The following ZNF514 variants were observed in gnomAD, a reference collection of about 807,000 sequenced individuals.
ZNF514 encodes the protein zinc finger protein 514.
ZNF514 carries 12 observed loss-of-function variants against 9.7 expected under a neutral mutation model. The ratio of observed to expected loss-of-function variants is 1.24; its 90% CI spans 0.79 to 2.01. The LOEUF (loss-of-function observed/expected upper bound fraction) is 2.01, where lower values mean the gene tolerates loss of function less well. Ranked by LOEUF, ZNF514 falls within the 30% of genes most tolerant of loss-of-function variation. The probability of loss-of-function intolerance (pLI) is 0.00; values close to 1 mark genes in which losing one functional copy is unlikely to be tolerated. For missense variants in ZNF514, 467 were observed against 465.5 expected (o/e 1.00, Z -0.03); for synonymous variants, 158 against 163.7 (o/e 0.97, Z 0.27).
At chr2:95,157,265 T>G in intron 2 of ZNF514, 86 bp downstream of exon 2, 1 of 870,652 alleles carries the variant, frequency 1.1e-6, no homozygotes, top group Non-Finnish European at 1.6e-6. Context: ...GTTCCCTTAG[T>G]GAAAAAAGAG....
the ZNF514 span, among the ~76,000 whole-genome samples, chr2:95,128,992 G>A: frequency 6.6e-6 from 1 of 152,188 alleles, no homozygotes; most frequent in East Asian, 1.9e-4. Flanking sequence ...CGCTTCTTCT[G>A]TAGTATACCA....
Position 95,159,705 on chromosome 2 carries a change from CCCCCGCGTCCGCCCCGCG to C in ZNF514, c.-579_-562del, listed in dbSNP as rs1673806408. On this transcript the variant is annotated 5_prime_UTR_variant, in exon 1 of 5. Coordinates refer to ENST00000295208, the MANE Select transcript of ZNF514 (RefSeq NM_032788.3). The stretch of plus-strand genomic sequence containing the variant: ...AGCCCCCGCGTCCGCCCCGCGCCAG[CCCCCGCGTCCGCCCCGCG>C]CCAGCCCCCGCGTCCGCCCCGCGCC... The C allele has an allele frequency of 7.0e-6, 1 of 142,180 alleles. No homozygotes were observed. The highest frequency in any genetic ancestry group is 2.6e-5 in the African/African-American group (1 of 38,788). 8.8% of individuals were successfully genotyped at this position (142,180 alleles called of 1,614,324 possible). A position where few individuals can be genotyped will look rare whatever the true frequency, so the allele number is the denominator to read the frequency against.
chr2:95,128,631 G>A, the ZNF514 span, among the ~76,000 whole-genome samples: 1 of 150,764 alleles, frequency 6.6e-6, no homozygotes, highest in Admixed American at 6.6e-5. Context: ...GGAGGAGGAG[G>A]GAGAAGAAGA....
At chr2:95,150,317 C>A in intron 4 of ZNF514, 50 bp from the exon 5 acceptor site, 2 of 1,490,024 alleles carry the variant, frequency 1.3e-6, no homozygotes, top group Non-Finnish European at 1.8e-6. Context: ...TGTAGAATGT[C>A]CTATGTAGCA....
the ZNF514 span, among the ~76,000 whole-genome samples, chr2:95,125,327 G>C: frequency 6.9e-6 from 1 of 145,266 alleles, no homozygotes; most frequent in Non-Finnish European, 1.5e-5. Context: ...TGCAACCTCC[G>C]CCTCCTGGGT....
Position 95,157,369 on chromosome 2 carries a change from GA to G in ZNF514, c.-26del, listed in dbSNP as rs1402993574. The G allele has an allele frequency of 7.8e-7, 1 of 1,289,712 alleles. No individual in the cohort carries two copies. The highest frequency in any genetic ancestry group is 1.2e-5 in the South Asian group (1 of 81,026). 79.9% of individuals were successfully genotyped at this position (1,289,712 alleles called of 1,614,324 possible). A position where few individuals can be genotyped will look rare whatever the true frequency, so the allele number is the denominator to read the frequency against. ...AACTCACCCGAGGCCTGGCTTTCAG[GA>G]ATGAATTGGTTGTTCCCTCTTCTCC... is the stretch of plus-strand genomic sequence containing the variant. On this transcript the variant is annotated 5_prime_UTR_variant, in exon 2 of 5. Coordinates refer to ENST00000295208, the MANE Select transcript of ZNF514 (RefSeq NM_032788.3).
chr2:95,150,026 C>G lies in ZNF514; in HGVS notation c.459G>C (p.Trp153Cys). 6.2e-7 allele frequency: 1 copy of G among 1,614,154 alleles called. No homozygotes were observed. The change falls in exon 5 of 5, where the codon TGG becomes TGC. Residue 153 changes from tryptophan to cysteine, a missense_variant. Transcript: ENST00000295208. ...SATTLSRDYKWNGFGRSLGLR... is the reference protein window; with the variant it reads ...SATTLSRDYKCNGFGRSLGLR... ...AACCTAAGCTTCTCCCAAATCCATT[C>G]CATTTATAATCTCTGCTAAGGGTGG...
chr2:95,135,988 T>C, the ZNF514 span, among the ~76,000 whole-genome samples: 1 of 151,922 alleles, frequency 6.6e-6, no homozygotes, highest in Non-Finnish European at 1.5e-5. Flanking sequence ...TACTTGAACC[T>C]GGAAGGCAAA....
Position 95,149,370 on chromosome 2 carries a change from T to C in ZNF514, c.1115A>G (p.Tyr372Cys), listed in dbSNP as rs187499833. 3.4e-5 allele frequency: 55 copies of C among 1,614,024 alleles called. No individual in the cohort carries two copies. Among genetic ancestry groups the C allele is most frequent in the Admixed American group, 2.2e-4 (13 of 60,002 alleles). The change falls in exon 5 of 5, where the codon TAC becomes TGC. Residue 372 changes from tyrosine (Y) to cysteine (C), a missense_variant. Transcript: ENST00000295208. ...GGCCCTTCCACACTCATTACATTTG[T>C]AGGGTTTCTCTCCAGTGTGAAATCT... ...HYRFHTGEKPYKCNECGRAFA... is the reference protein window; with the variant it reads ...HYRFHTGEKPCKCNECGRAFA...
the ZNF514 span, among the ~76,000 whole-genome samples, chr2:95,134,500 C>T: frequency 6.6e-6 from 1 of 152,206 alleles, no homozygotes; most frequent in Admixed American, 6.5e-5. Context: ...ACAATTCACT[C>T]ATTTAATGTG....
the ZNF514 span, among the ~76,000 whole-genome samples, chr2:95,135,270 A>G: frequency 6.6e-6 from 1 of 151,992 alleles, no homozygotes; most frequent in African/African-American, 2.4e-5. Flanking sequence ...ATTTCTTTCA[A>G]CAGTGTCATG....
At position 95,159,741 on chromosome 2, in the gene ZNF514, C is replaced by T. The variant is rs1673811318; in HGVS notation, c.-597G>A. Reference sequence around the variant, plus strand: ...GCCCCGCGCCAGCCCCCGCGTCCGCCCCGCGCCAGCCCCGCCTCCCGAGGC... The same window carrying T: ...GCCCCGCGCCAGCCCCCGCGTCCGCTCCGCGCCAGCCCCGCCTCCCGAGGC... On this transcript the variant is annotated 5_prime_UTR_variant, in exon 1 of 5. Coordinates refer to ENST00000295208, the MANE Select transcript of ZNF514 (RefSeq NM_032788.3). 1 of 127,528 alleles carries T rather than the reference C, an allele frequency of 7.8e-6. No homozygotes were observed. The highest frequency in any genetic ancestry group is 2.8e-5 in the African/African-American group (1 of 35,914). 7.9% of individuals were successfully genotyped at this position (127,528 alleles called of 1,614,324 possible). A position where few individuals can be genotyped will look rare whatever the true frequency, so the allele number is the denominator to read the frequency against.
rs1055588891 is a variant in ZNF514, at chr2:95,153,213, T to G, written c.41A>C (p.Glu14Ala). The G allele has an allele frequency of 6.2e-7, 1 of 1,613,742 alleles. No individual in the cohort carries two copies. The highest frequency in any genetic ancestry group is 8.5e-7 in the Non-Finnish European group (1 of 1,179,896). ...EDVAVEFSQW[E>A]WGQLNPAQKD... Reference sequence around the variant, plus strand: ...CTGAGCAGGGTTCAGCTGCCCCCACTCCCACTGGCTGAATTCCACAGCCAC... The same window carrying G: ...CTGAGCAGGGTTCAGCTGCCCCCACGCCCACTGGCTGAATTCCACAGCCAC... Residue 14 changes from glutamate to alanine, a missense_variant, in exon 3 of 5, where the codon GAG (glutamate) becomes GCG (alanine). Glu to Ala is a moderately radical substitution (Grantham distance 107). Coordinates refer to ENST00000295208, the MANE Select transcript of ZNF514 (RefSeq NM_032788.3).
Position 95,149,042 on chromosome 2 carries a change from C to T in ZNF514, c.*240G>A, listed in dbSNP as rs1266382296. On this transcript the variant is annotated 3_prime_UTR_variant, in exon 5 of 5. Transcript: ENST00000295208. Reference sequence around the variant, plus strand: ...ATGCATCCTCTGATCAAAGCGTTCCCACATTCATTACATTCACGTGGTTTC... The same window carrying T: ...ATGCATCCTCTGATCAAAGCGTTCCTACATTCATTACATTCACGTGGTTTC... 6.0e-6 allele frequency: 3 copies of T among 496,554 alleles called. No individual in the cohort carries two copies. Among genetic ancestry groups the T allele is most frequent in the South Asian group, 4.0e-5 (1 of 25,248 alleles). The allele number at this position is 496,554 out of a possible 1,614,324, so 30.8% of individuals were successfully genotyped here. A position where few individuals can be genotyped will look rare whatever the true frequency, so the allele number is the denominator to read the frequency against.
At chr2:95,158,444 G>A (rs1673745968) in intron 1 of ZNF514, among the ~76,000 whole-genome samples, 1 of 152,196 alleles carries the variant, frequency 6.6e-6, no homozygotes, top group Non-Finnish European at 1.5e-5. Flanking sequence ...AAAACCTCCT[G>A]GGTCACCTGG....
chr2:95,157,838 C>T (rs571738507), intron 1 of ZNF514, among the ~76,000 whole-genome samples: 1 of 152,286 alleles, frequency 6.6e-6, no homozygotes, highest in East Asian at 1.9e-4. Context: ...CAAGGCAAGG[C>T]CATGCAGGAT....
chr2:95,131,474 GCAGCCCCTATGTTGCCC>G, the ZNF514 span, among the ~76,000 whole-genome samples: 6 of 152,170 alleles, frequency 3.9e-5, no homozygotes, highest in African/African-American at 1.4e-4. Context: ...GTTCCCAAAT[GCAGCCCCTATGTTGCCC>G]AGTGGGCATG....
rs1011242311 is a variant in ZNF514 at position 95,145,287 on chromosome 2, C to T, written c.*3995G>A. On this transcript the variant is annotated 3_prime_UTR_variant, in exon 5 of 5. Coordinates refer to ENST00000295208, the MANE Select transcript of ZNF514 (RefSeq NM_032788.3). ...GTCAGACATACCTCATTATACCTTC[C>T]TCTCTTTGGAATTCAGGCACAGTGG... Among the ~76,000 whole-genome samples, 3 of 152,142 alleles carry T rather than the reference C, an allele frequency of 2.0e-5. No homozygotes were observed. Among genetic ancestry groups the T allele is most frequent in the Admixed American group, 6.5e-5 (1 of 15,274 alleles).
chr2:95,149,678 G>C lies in ZNF514; in HGVS notation c.807C>G (p.Phe269Leu). 3.1e-6 allele frequency: 5 copies of C among 1,614,210 alleles called. No homozygotes were observed. The highest frequency in any genetic ancestry group is 4.2e-6 in the Non-Finnish European group (5 of 1,180,034). Residue 269 changes from phenylalanine to leucine, a missense_variant, in exon 5 of 5, where the codon TTC becomes TTG. Coordinates refer to ENST00000295208, the MANE Select transcript of ZNF514 (RefSeq NM_032788.3). Reference sequence around the variant, plus strand: ...GCAGAACAAGAGACGAACTCTGGCTGAAGGCTCTCCCACATTCACTGCATT... The same window carrying C: ...GCAGAACAAGAGACGAACTCTGGCTCAAGGCTCTCCCACATTCACTGCATT... Reference protein sequence around the residue: ...PYECSECGRAFSQSSSLVLHY... With the variant: ...PYECSECGRALSQSSSLVLHY...
Sources: gnomAD v4.1 joint callset for allele counts (sites outside exome capture counted in the v4.1 genomes callset) on GRCh38, gnomAD v4.1.1 for gene constraint, MANE v1.5 for transcripts, NCBI Gene and HGNC (gene_info 2026-07-23, HGNC 2026-07-21) for gene names.